Variants in ATP2A1 observed in about 807,000 individuals in gnomAD.
ATP2A1 encodes the protein ATPase sarcoplasmic/endoplasmic reticulum Ca2+ transporting 1.
In ATP2A1, 83 loss-of-function variants were observed where a neutral mutation model predicts 109.5. The observed-to-expected ratio is 0.76, with a 90% CI of 0.63 to 0.91. ATP2A1 has a LOEUF of 0.91. ATP2A1 is among the 40% of genes least tolerant of loss of function. ATP2A1 has a pLI of 0.00. For synonymous variants in ATP2A1, 505 were observed against 537.6 expected (o/e 0.94, Z 0.84); for missense variants, 1,101 against 1,341.0 (o/e 0.82, Z 2.80).
intron 2 of ATP2A1, 41 bp from the exon 3 acceptor site, chr16:28,879,460 T>C (rs1963385092): frequency 1.3e-6 from 2 of 1,587,894 alleles, no homozygotes; most frequent in Non-Finnish European, 1.7e-6. Flanking sequence ...CTTCACCCAC[T>C]AGACCTTAAC....
Position 28,904,338 on chromosome 16 carries a change from C to T in ATP2A1, c.*196C>T, listed in dbSNP as rs1964185352. ...TAAACATGTCCCCTTCCCTTTCCTT[C>T]CCCCTCGGCCACCCGCCTCCCTCTC... On this transcript the variant is annotated 3_prime_UTR_variant, in exon 23 of 23. Coordinates refer to ENST00000395503, the MANE Select transcript of ATP2A1 (RefSeq NM_004320.6). 1 of 1,557,284 alleles carries T rather than the reference C, an allele frequency of 6.4e-7. No homozygotes were observed. The highest frequency in any genetic ancestry group is 8.6e-7 in the Non-Finnish European group (1 of 1,156,074).
rs1436281249 is a variant in ATP2A1 at position 28,898,352 on chromosome 16, C to T, written c.1665C>T (p.Gly555=). The change falls in exon 14 of 23, where the codon GGC becomes GGT. Residue 555 remains glycine, a synonymous_variant. Transcript: ENST00000395503. The surrounding 1 kb of genome is among the most constrained non-coding windows in gnomAD (Gnocchi z 4.0). The part of the protein sequence containing the change: ...IMAVIKEWGT[G]RDTLRCLALA... ...CGGTGATCAAGGAGTGGGGCACTGG[C>T]CGGGACACCCTGCGCTGCTTGGCCC... The T allele has an allele frequency of 1.9e-6, 3 of 1,614,068 alleles. No individual in the cohort carries two copies. The highest frequency in any genetic ancestry group is 2.5e-6 in the Non-Finnish European group (3 of 1,180,040).
chr16:28,904,044 G>A (rs1002034955), intron 22 of ATP2A1, 136 bp from the exon 23 acceptor site: 10 of 850,788 alleles, frequency 1.2e-5, no homozygotes, highest in South Asian at 8.4e-5. Context: ...GTCTGGGGAC[G>A]CAGGTGAGTA....
At chr16:28,889,388 C>T (rs1204413911) in intron 9 of ATP2A1, among the ~76,000 whole-genome samples, 1 of 152,110 alleles carries the variant, frequency 6.6e-6, no homozygotes, top group Non-Finnish European at 1.5e-5. Flanking sequence ...TCCCTAGTAG[C>T]TGGGACTACA....
Position 28,880,687 on chromosome 16 carries a change from G to T in ATP2A1, c.220-228G>T, listed in dbSNP as rs1039001813. On this transcript the variant is annotated intron_variant, in intron 3 of 22. Coordinates refer to ENST00000395503, the MANE Select transcript of ATP2A1 (RefSeq NM_004320.6). This position sits in a 1 kb window ranked among gnomAD's most constrained non-coding sequence, Gnocchi z 4.2. ...AGCATTCCCAGCTAATCCCCCAAGT[G>T]GTGCAAGTCTGTGCGCGCCCATCCC... 6.6e-6 allele frequency among the ~76,000 whole-genome samples: 1 copy of T among 152,220 alleles called. No individual in the cohort carries two copies. The highest frequency in any genetic ancestry group is 1.5e-5 in the Non-Finnish European group (1 of 68,042).
rs770270064 is a variant in ATP2A1, at chr16:28,902,762, C to G, written c.2611-16C>G. ...GAGGTGGCCCTGGACCTCAGTCTCC[C>G]GTACCTTCCCTGCAGACTCACTTCA... is the stretch of plus-strand genomic sequence containing the variant. On this transcript the variant is annotated splice_polypyrimidine_tract_variant and intron_variant, in intron 18 of 22. Coordinates refer to ENST00000395503, the MANE Select transcript of ATP2A1 (RefSeq NM_004320.6). This position sits in a 1 kb window ranked among gnomAD's most constrained non-coding sequence, Gnocchi z 4.8. 2.5e-6 allele frequency: 4 copies of G among 1,613,570 alleles called. No individual in the cohort carries two copies. Among genetic ancestry groups the G allele is most frequent in the African/African-American group, 1.3e-5 (1 of 74,780 alleles).
intron 9 of ATP2A1, chr16:28,892,375 C>A (rs1294936092): frequency 2.5e-6 from 1 of 393,758 alleles, no homozygotes; most frequent in Non-Finnish European, 5.2e-6. Flanking sequence ...TGGAAGACTA[C>A]ACCCATGAAC....
chr16:28,882,120 T>G (rs1963503894), intron 4 of ATP2A1, among the ~76,000 whole-genome samples: 1 of 144,310 alleles, frequency 6.9e-6, no homozygotes, highest in Non-Finnish European at 1.5e-5. Context: ...TTTTTTTTTT[T>G]TTTTTTGTAC....
At position 28,903,507 on chromosome 16, in the gene ATP2A1, C is replaced by A; in HGVS notation, c.2980+67C>A. 2 of 1,423,710 alleles carry A rather than the reference C, an allele frequency of 1.4e-6. No homozygotes were observed. The highest frequency in any genetic ancestry group is 1.1e-5 in the South Asian group (1 of 87,266). The allele number at this position is 1,423,710 out of a possible 1,614,324, so 88.2% of individuals were successfully genotyped here. ...AGCCCCTTCCCCATGACGCCGCCCC[C>A]GCCCCGCCCCGTACTTTGCAGGTGG... On this transcript the variant is annotated intron_variant, in intron 21 of 22. Coordinates refer to ENST00000395503, the MANE Select transcript of ATP2A1 (RefSeq NM_004320.6). This position sits in a 1 kb window ranked among gnomAD's most constrained non-coding sequence, Gnocchi z 5.6.
intron 9 of ATP2A1, 38 bp from the exon 10 acceptor site, chr16:28,894,117 G>GA: frequency 6.3e-7 from 1 of 1,577,280 alleles, no homozygotes; most frequent in Non-Finnish European, 8.7e-7. Context: ...GGGATGGGAA[G>GA]AGGTGGACAT....
chr16:28,903,162 G>C lies in ATP2A1; in HGVS notation c.2862+15G>C. ...ACCCCCTGCCGGTGAGGTTTCTTCCGCCCAGGGCCGCCCACCCCAGCACTG... is the reference window on the plus strand; with the variant it reads ...ACCCCCTGCCGGTGAGGTTTCTTCCCCCCAGGGCCGCCCACCCCAGCACTG... On this transcript the variant is annotated intron_variant, in intron 20 of 22. Coordinates refer to ENST00000395503, the MANE Select transcript of ATP2A1 (RefSeq NM_004320.6). This position sits in a 1 kb window ranked among gnomAD's most constrained non-coding sequence, Gnocchi z 5.6. 2 of 1,611,940 alleles carry C rather than the reference G, an allele frequency of 1.2e-6. No homozygotes were observed. The highest frequency in any genetic ancestry group is 1.7e-6 in the Non-Finnish European group (2 of 1,178,816).
At chr16:28,892,904 C>T (rs1440620835) in intron 9 of ATP2A1, among the ~76,000 whole-genome samples, 1 of 151,906 alleles carries the variant, frequency 6.6e-6, no homozygotes, top group Admixed American at 6.6e-5. Flanking sequence ...ATTAGCTGGG[C>T]GTGGTGGCGT....
chr16:28,894,285 T>G (rs1303113630), intron 10 of ATP2A1, 42 bp downstream of exon 10: 2 of 1,574,656 alleles, frequency 1.3e-6, no homozygotes, highest in Non-Finnish European at 1.7e-6. Flanking sequence ...CTCACGCCCC[T>G]TCCCACACCC....
rs538018802 is a variant in ATP2A1 at position 28,903,959 on chromosome 16, G to A, written c.*37+218G>A. 83 of 718,892 alleles carry A rather than the reference G, an allele frequency of 1.2e-4. 1 individual carries two copies. Among genetic ancestry groups the A allele is most frequent in the Admixed American group, 4.8e-4 (23 of 47,896 alleles). 44.5% of individuals were successfully genotyped at this position (718,892 alleles called of 1,614,324 possible). Reference sequence around the variant, plus strand: ...CTGGGCAGTGCCAGCCTCTGGGCCCGTCTGCTGCGCTGCGTTGCGCTGGCT... The same window carrying A: ...CTGGGCAGTGCCAGCCTCTGGGCCCATCTGCTGCGCTGCGTTGCGCTGGCT... On this transcript the variant is annotated intron_variant, in intron 22 of 22. Transcript: ENST00000395503. The surrounding 1 kb of genome is among the most constrained non-coding windows in gnomAD (Gnocchi z 5.6).
At chr16:28,884,248 A>C (rs897540821) in intron 5 of ATP2A1, among the ~76,000 whole-genome samples, 1 of 152,050 alleles carries the variant, frequency 6.6e-6, no homozygotes, top group Non-Finnish European at 1.5e-5. Flanking sequence ...GCATTTATTG[A>C]GCATGTACTA....
intron 15 of ATP2A1, among the ~76,000 whole-genome samples, chr16:28,901,277 T>G (rs1964064719): frequency 6.7e-6 from 1 of 148,556 alleles, no homozygotes; most frequent in Admixed American, 6.8e-5. Flanking sequence ...TGCAGAAAGT[T>G]ATGACTGCAC....
chr16:28,902,652 A>T lies in ATP2A1; in HGVS notation c.2597A>T (p.Asn866Ile). The change falls in exon 18 of 23, where the codon AAC (asparagine) becomes ATC (isoleucine). Residue 866 changes from asparagine to isoleucine, a missense_variant. Transcript: ENST00000395503. The surrounding 1 kb of genome is among the most constrained non-coding windows in gnomAD (Gnocchi z 4.8). ...TACGCTGAGGATGGGCCTCATGTCA[A>T]CTACAGCCAGCTGGTAGGGGGAGGC... Reference protein sequence around the residue: ...FLYAEDGPHVNYSQLTHFMQC... With the variant: ...FLYAEDGPHVIYSQLTHFMQC... The T allele has an allele frequency of 6.2e-7, 1 of 1,614,010 alleles. No individual in the cohort carries two copies.
rs1386603257 is a variant in ATP2A1, at chr16:28,883,401, C to T, written c.463+812C>T. ...TGCCGCCGTGACAGCATGGAGTCAG[C>T]GCCATGAATGTCTATAAATATCACG... On this transcript the variant is annotated intron_variant, in intron 5 of 22. Transcript: ENST00000395503. The surrounding 1 kb of genome is among the most constrained non-coding windows in gnomAD (Gnocchi z 5.2). Among the ~76,000 whole-genome samples, 5 of 152,184 alleles carry T rather than the reference C, an allele frequency of 3.3e-5. No homozygotes were observed. The highest frequency in any genetic ancestry group is 5.9e-5 in the Non-Finnish European group (4 of 68,032).
At position 28,903,017 on chromosome 16, in the gene ATP2A1, T is replaced by C. The variant is rs1318465255; in HGVS notation, c.2745-13T>C. 1.2e-6 allele frequency: 2 copies of C among 1,612,966 alleles called. No individual in the cohort carries two copies. The highest frequency in any genetic ancestry group is 2.2e-5 in the East Asian group (1 of 44,840). ...TCCTCACTGTGCCTTCTCCCTCCCC[T>C]TCCCCTCTGCAGCCTGTCCGAGAAC... On this transcript the variant is annotated splice_polypyrimidine_tract_variant and intron_variant, in intron 19 of 22. Coordinates refer to ENST00000395503, the MANE Select transcript of ATP2A1 (RefSeq NM_004320.6). The surrounding 1 kb of genome is among the most constrained non-coding windows in gnomAD (Gnocchi z 5.6).
Sources: allele counts gnomAD v4.1 joint callset (sites outside exome capture counted in the v4.1 genomes callset), GRCh38; gene constraint gnomAD v4.1.1; non-coding constraint Gnocchi (gnomAD v3.1); transcripts MANE v1.5; gene names NCBI Gene and HGNC (gene_info 2026-07-23, HGNC 2026-07-21).